SGMS1: variants seen among roughly 807,000 people sequenced by gnomAD.
SGMS1 encodes sphingomyelin synthase 1.
A neutral mutation model predicts 46.2 loss-of-function variants in SGMS1; 13 were observed. The ratio of observed to expected loss-of-function variants is 0.28; its 90% CI spans 0.18 to 0.45. The LOEUF (loss-of-function observed/expected upper bound fraction) is 0.45. Among genes scored for constraint, SGMS1 ranks in the 20% least tolerant of loss-of-function variants. The pLI is 1.00. For missense variants in SGMS1, 324 were observed against 519.9 expected (o/e 0.62, Z 3.66); for synonymous variants, 203 against 187.8 (o/e 1.08, Z -0.66).
chr10:50,523,822 T>C (rs548479993), intron 2 of SGMS1, among the ~76,000 whole-genome samples: 1 of 152,360 alleles, frequency 6.6e-6, no homozygotes, highest in South Asian at 2.1e-4. Context: ...TGAGAAAAGA[T>C]GATTTTGTAA....
chr10:50,560,715 T>C (rs1210356913), intron 2 of SGMS1, among the ~76,000 whole-genome samples: 3 of 150,650 alleles, frequency 2.0e-5, no homozygotes, highest in African/African-American at 7.3e-5. Flanking sequence ...TATATACGTG[T>C]AGGAAAAATT....
chr10:50,622,887 A>T (rs1838867379), intron 1 of SGMS1, among the ~76,000 whole-genome samples: 1 of 152,268 alleles, frequency 6.6e-6, no homozygotes, highest in African/African-American at 2.4e-5. Context: ...TGGGAGAGGC[A>T]GCCGCTGCTG....
chr10:50,584,769 AT>A (rs1361836725), intron 2 of SGMS1, among the ~76,000 whole-genome samples: 1 of 152,198 alleles, frequency 6.6e-6, no homozygotes, highest in Non-Finnish European at 1.5e-5. Context: ...GGCTTCCTGC[AT>A]TTTCACATCT....
chr10:50,624,906 C>G (rs932768948), upstream of SGMS1: 3 of 1,004,398 alleles, frequency 3.0e-6, no homozygotes, highest in East Asian at 1.1e-4. Flanking sequence ...GGCGCGGCTA[C>G]GGGCCCGGCG....
chr10:50,433,800 C>T (rs1443635388), intron 5 of SGMS1, among the ~76,000 whole-genome samples: 2 of 152,020 alleles, frequency 1.3e-5, no homozygotes, highest in East Asian at 3.9e-4. Context: ...AAAATTTTGC[C>T]CTCCATTATG....
chr10:50,398,280 T>A (rs1356737400), intron 6 of SGMS1, among the ~76,000 whole-genome samples: 1 of 152,190 alleles, frequency 6.6e-6, no homozygotes, highest in African/African-American at 2.4e-5. Context: ...GGAGTAGACA[T>A]CTAAAATACT....
intron 7 of SGMS1, among the ~76,000 whole-genome samples, chr10:50,331,201 T>C (rs1847618741): frequency 6.6e-6 from 1 of 152,228 alleles, no homozygotes; most frequent in Non-Finnish European, 1.5e-5. Context: ...CCAACAGCAA[T>C]TGTTTTGCCA....
At chr10:50,406,702 T>C (rs996608151) in intron 6 of SGMS1, among the ~76,000 whole-genome samples, 1 of 13,526 alleles carries the variant, frequency 7.4e-5, no homozygotes, top group Non-Finnish European at 1.9e-4. Context: ...ATAGCTATAA[T>C]TCTTTTTTTT....
intron 3 of SGMS1, among the ~76,000 whole-genome samples, chr10:50,508,908 T>A (rs913060091): frequency 6.6e-6 from 1 of 152,192 alleles, no homozygotes; most frequent in African/African-American, 2.4e-5. Flanking sequence ...TGTACATGGT[T>A]TGGTCCACCC....
Position 50,537,949 on chromosome 10 carries a change from C to T in SGMS1, c.-588-18028G>A, listed in dbSNP as rs1423315346. 2.6e-5 allele frequency among the ~76,000 whole-genome samples: 4 copies of T among 152,004 alleles called. No homozygotes were observed. The East Asian group carries it at 7.7e-4, about 29-fold the overall frequency. Reference sequence around the variant, plus strand: ...TGCATCTATTAAGCCATATGAATCCCATTACATATTAAATGTTTGGTCAGT... The same window carrying T: ...TGCATCTATTAAGCCATATGAATCCTATTACATATTAAATGTTTGGTCAGT... On this transcript the variant is annotated intron_variant, in intron 2 of 10. Coordinates refer to ENST00000361781, the MANE Select transcript of SGMS1 (RefSeq NM_147156.4).
At chr10:50,569,299 T>A (rs1267228003) in intron 2 of SGMS1, among the ~76,000 whole-genome samples, 6 of 130,488 alleles carry the variant, frequency 4.6e-5, no homozygotes, top group Admixed American at 7.9e-5. Context: ...CTTAAAGTAT[T>A]AAAAAAAAAA....
intron 3 of SGMS1, among the ~76,000 whole-genome samples, chr10:50,504,263 C>T (rs964920156): frequency 2.6e-5 from 4 of 152,112 alleles, no homozygotes; most frequent in South Asian, 2.1e-4. Context: ...TCAGTAAGTC[C>T]GGGTGGTGCC....
intron 9 of SGMS1, among the ~76,000 whole-genome samples, chr10:50,310,086 C>G (rs1287307107): frequency 6.6e-6 from 1 of 152,214 alleles, no homozygotes; most frequent in Admixed American, 6.5e-5. Flanking sequence ...CGATCTACAT[C>G]AGCTGAGAGT....
intron 2 of SGMS1, among the ~76,000 whole-genome samples, chr10:50,574,795 T>C (rs1347865671): frequency 6.6e-6 from 1 of 152,004 alleles, no homozygotes; most frequent in Non-Finnish European, 1.5e-5. Context: ...AGATGTTGAA[T>C]GTTTCCAACA....
intron 1 of SGMS1, among the ~76,000 whole-genome samples, chr10:50,614,618 C>T (rs888348203): frequency 6.6e-6 from 1 of 152,214 alleles, no homozygotes; most frequent in Non-Finnish European, 1.5e-5. Flanking sequence ...TGGGTCCCAG[C>T]CCTGGGCGTT....
At chr10:50,625,050 C>G (rs924416914), upstream of SGMS1, 28 of 999,280 alleles carry the variant, frequency 2.8e-5, no homozygotes, top group East Asian at 6.7e-4. Context: ...CTTTGGGCGC[C>G]GGACTCTGGC....
chr10:50,307,204 G>A lies in SGMS1; in HGVS notation c.1180C>T (p.Pro394Ser). 6.2e-7 allele frequency: 1 copy of A among 1,614,038 alleles called. No homozygotes were observed. The highest frequency in any genetic ancestry group is 8.5e-7 in the Non-Finnish European group (1 of 1,179,966). ...IVPRSYHWPF[P>S]WPVVHLSRQV... The stretch of plus-strand genomic sequence containing the variant: ...CTACTGAGGTGGACTACTGGCCAGG[G>A]GAAAGGCCAATGGTAAGATCGAGGT... The change falls in exon 11 of 11, where the codon CCC becomes TCC. Residue 394 changes from proline to serine, a missense_variant. This residue lies in a region of SGMS1 where 174 missense variants were observed against 350.1 expected (regional missense o/e 0.50). Transcript: ENST00000361781. This position sits in a 1 kb window ranked among gnomAD's most constrained non-coding sequence, Gnocchi z 4.2.
chr10:50,550,653 C>T (rs1268551555), intron 2 of SGMS1, among the ~76,000 whole-genome samples: 1 of 152,172 alleles, frequency 6.6e-6, no homozygotes, highest in Non-Finnish European at 1.5e-5. Context: ...TGTACTAATA[C>T]ACCTGCTTCT....
chr10:50,459,760 T>C (rs12253726), intron 5 of SGMS1, among the ~76,000 whole-genome samples: 4,201 of 152,302 alleles, frequency 0.028, 85 homozygotes, highest in East Asian at 0.059. Context: ...GGGCATACTA[T>C]TTCTATGGTA....
Sources: allele counts gnomAD v4.1 joint callset (sites outside exome capture counted in the v4.1 genomes callset), GRCh38; gene constraint gnomAD v4.1.1; regional missense constraint gnomAD v4.1.1; non-coding constraint Gnocchi (gnomAD v3.1); transcripts MANE v1.5; gene names NCBI Gene and HGNC (gene_info 2026-07-23, HGNC 2026-07-21).